Variants in A2ML1 observed in about 807,000 individuals in gnomAD.
The protein encoded by A2ML1 is alpha-2-macroglobulin like 1, also known as alpha-2-macroglobulin-like protein 1.
In A2ML1, 161 loss-of-function variants were observed where a neutral mutation model predicts 181.9. The observed-to-expected ratio is 0.89, with a 90% CI of 0.78 to 1.01. The LOEUF is 1.01. Among genes scored for constraint, A2ML1 ranks in the 50% least tolerant of loss-of-function variants. The probability of loss-of-function intolerance (pLI) is 0.00; values close to 1 mark genes in which losing one functional copy is unlikely to be tolerated. For synonymous variants in A2ML1, 663 were observed against 666.8 expected, an observed-to-expected ratio of 0.99 and a Z score of 0.09; for missense variants, 1,670 against 1,768.1, an observed-to-expected ratio of 0.94 and a Z score of 1.00.
At chr12:8,879,786 C>T (rs1305261231), downstream of A2ML1, among the ~76,000 whole-genome samples, 1 of 152,144 alleles carries the variant, frequency 6.6e-6, no homozygotes, top group Non-Finnish European at 1.5e-5. Context: ...TGTACATTGT[C>T]CAACTCATTG....
intron 3 of A2ML1, 113 bp downstream of exon 3, chr12:8,823,995 G>A (rs1942838575): frequency 5.5e-6 from 7 of 1,275,176 alleles, no homozygotes; most frequent in South Asian, 1.8e-5. Context: ...GAGTGCAGAG[G>A]AGAGGAAAAT....
rs773313620 is a variant in A2ML1 at position 8,834,682 on chromosome 12, G to A, written c.483G>A (p.Gln161=). The A allele has an allele frequency of 1.9e-6, 3 of 1,614,188 alleles. No individual in the cohort carries two copies. Among genetic ancestry groups the A allele is most frequent in the Non-Finnish European group, 2.5e-6 (3 of 1,180,030 alleles). The change falls in exon 5 of 36, where the codon CAG becomes CAA. Residue 161 remains glutamine (Q), a splice_region_variant and synonymous_variant. Coordinates refer to ENST00000299698, the MANE Select transcript of A2ML1 (RefSeq NM_144670.6). ...VNDKYSMVEL[Q]DPNSNRIAQW... ...TTCAGTACTCCATGGTGGAACTACA[G>A]GTAAGCGGAAGTTTCTTTCTCTTCT...
At chr12:8,875,885 A>G (rs1944786509) in intron 35 of A2ML1, 173 bp from the exon 36 acceptor site, 2 of 152,210 alleles carry the variant, frequency 1.3e-5, no homozygotes, top group Admixed American at 1.3e-4. Flanking sequence ...TACTAAGACA[A>G]AAGTAAAGGT....
intron 18 of A2ML1, among the ~76,000 whole-genome samples, chr12:8,850,806 T>C (rs994344929): frequency 8.5e-5 from 13 of 152,154 alleles, no homozygotes; most frequent in Admixed American, 8.5e-4. Context: ...GGCATGATTT[T>C]GGCTCACTGT....
intron 1 of A2ML1, 95 bp downstream of exon 1, chr12:8,822,808 G>T: frequency 8.2e-7 from 1 of 1,223,204 alleles, no homozygotes; most frequent in South Asian, 1.3e-5. Context: ...ATCAACTTTG[G>T]TTTATCTTAA....
rs1231550807 is a variant in A2ML1 at position 8,845,849 on chromosome 12, C to CAAA, written c.1538-215_1538-213dup. On this transcript the variant is annotated intron_variant, in intron 13 of 35. Coordinates refer to ENST00000299698, the MANE Select transcript of A2ML1 (RefSeq NM_144670.6). Reference sequence around the variant, plus strand: ...TGGGCGACAGAGCGAGACTCCGTCTCAAAAAAAAAAAAAAATAAATAAAAT... The same window carrying CAAA: ...TGGGCGACAGAGCGAGACTCCGTCTCAAAAAAAAAAAAAAAAAATAAATAAAAT... 5.4e-5 allele frequency among the ~76,000 whole-genome samples: 3 copies of CAAA among 55,530 alleles called. 1 individual carries two copies. The highest frequency in any genetic ancestry group is 1.9e-4 in the Admixed American group (1 of 5,138). The allele number at this position is 55,530 out of a possible 152,430, so 36.4% of individuals were successfully genotyped here. A position where few individuals can be genotyped will look rare whatever the true frequency, so the allele number is the denominator to read the frequency against.
intron 28 of A2ML1, among the ~76,000 whole-genome samples, chr12:8,861,951 G>A (rs1473106941): frequency 6.6e-6 from 1 of 151,718 alleles, no homozygotes; most frequent in Non-Finnish European, 1.5e-5. Context: ...GTAGAGAAGG[G>A]GTTTCGCCCT....
downstream of A2ML1, among the ~76,000 whole-genome samples, chr12:8,881,580 T>C (rs1289742604): frequency 6.6e-6 from 1 of 152,212 alleles, no homozygotes; most frequent in Non-Finnish European, 1.5e-5. Context: ...TTAATTGCCT[T>C]CCAGCACAAA....
chr12:8,852,265 C>A lies in A2ML1; in HGVS notation c.2519C>A (p.Ser840Tyr), dbSNP rs960169988. 5 of 1,614,200 alleles carry A rather than the reference C, an allele frequency of 3.1e-6. No individual in the cohort carries two copies. In the Admixed American group the frequency reaches 6.7e-5, roughly 22 times the overall value. The change falls in exon 20 of 36, where the codon TCT becomes TAT. Residue 840 changes from serine to tyrosine, a missense_variant. By Grantham distance (144) the Ser-to-Tyr change is moderately radical. Transcript: ENST00000299698. This position sits in a 1 kb window ranked among gnomAD's most constrained non-coding sequence, Gnocchi z 4.2. ...HEYQLESWAD[S>Y]QTSSCLCADD... The stretch of plus-strand genomic sequence containing the variant: ...TACCAGCTAGAATCATGGGCAGATT[C>A]TCAGACCTCCAGTTGTCTCTGTGCT...
At chr12:8,879,825 AG>A (rs1312746929), downstream of A2ML1, among the ~76,000 whole-genome samples, 1 of 152,208 alleles carries the variant, frequency 6.6e-6, no homozygotes, top group Non-Finnish European at 1.5e-5. Flanking sequence ...ATATTTGAGA[AG>A]GTGATTGTGA....
chr12:8,874,859 A>T, intron 34 of A2ML1, 112 bp from the exon 35 acceptor site: 2 of 1,001,060 alleles, frequency 2.0e-6, no homozygotes, highest in Non-Finnish European at 3.1e-6. Context: ...GAATATGCTC[A>T]TAACCTGTAG....
chr12:8,859,791 C>T (rs771142924), intron 26 of A2ML1, among the ~76,000 whole-genome samples: 4 of 152,124 alleles, frequency 2.6e-5, no homozygotes, highest in Non-Finnish European at 5.9e-5. Flanking sequence ...GTCTTGAACT[C>T]CTGGCCTCAA....
At chr12:8,879,167 C>T (rs1944844906), downstream of A2ML1, among the ~76,000 whole-genome samples, 1 of 151,820 alleles carries the variant, frequency 6.6e-6, no homozygotes, top group South Asian at 2.1e-4. Flanking sequence ...TCTTGGGTAT[C>T]AAAGGAAGAG....
At chr12:8,874,084 C>T (rs938476126) in intron 33 of A2ML1, among the ~76,000 whole-genome samples, 2 of 152,026 alleles carry the variant, frequency 1.3e-5, no homozygotes, top group African/African-American at 2.4e-5. Context: ...GGCGCCATCT[C>T]GGCTCACTGC....
rs746882060 is a variant in A2ML1 at position 8,848,772 on chromosome 12, A to AGTAT, written c.1888_1891dup (p.Asp631ValfsTer2). 30 of 1,613,890 alleles carry AGTAT rather than the reference A, an allele frequency of 1.9e-5. No individual in the cohort carries two copies. Among genetic ancestry groups the AGTAT allele is most frequent in the South Asian group, 1.6e-4 (15 of 91,038 alleles). On this transcript the variant is annotated frameshift_variant, in exon 16 of 36. Coordinates refer to ENST00000299698, the MANE Select transcript of A2ML1 (RefSeq NM_144670.6). LOFTEE classifies it high-confidence loss of function. ...GGTCACTACCCCTATCAAGTGGCTG[A>AGTAT]GTATGATCAGTGTCCAGTGTCTGGC...
Position 8,855,836 on chromosome 12 carries a change from C to T in A2ML1, c.2848+244C>T, listed in dbSNP as rs1195416653. 3.9e-5 allele frequency among the ~76,000 whole-genome samples: 6 copies of T among 151,976 alleles called. No homozygotes were observed. The East Asian group carries it at 7.7e-4, about 20-fold the overall frequency. On this transcript the variant is annotated intron_variant, in intron 23 of 35. Transcript: ENST00000299698. Reference sequence around the variant, plus strand: ...TAGGAAGAAGGTAAGGTCGCTGATGCTTGATTTTAGGTTTAGACAGTCTAT... The same window carrying T: ...TAGGAAGAAGGTAAGGTCGCTGATGTTTGATTTTAGGTTTAGACAGTCTAT...
intron 33 of A2ML1, among the ~76,000 whole-genome samples, chr12:8,873,242 A>ATTTTTTT (rs775312034): frequency 1.4e-5 from 2 of 142,252 alleles, no homozygotes; most frequent in Non-Finnish European, 3.1e-5. Flanking sequence ...TTATAATACG[A>ATTTTTTT]TTTTTTTTTT....
In A2ML1 at chr12:8,843,370, G is replaced by A. The variant is rs7136813; in HGVS notation, c.1476+9G>A. The stretch of plus-strand genomic sequence containing the variant: ...TCAGCTTCTCCTACTATGTGAGACC[G>A]GGAAACGGGGACGGGTGAGAGTATG... On this transcript the variant is annotated intron_variant, in intron 12 of 35. Coordinates refer to ENST00000299698, the MANE Select transcript of A2ML1 (RefSeq NM_144670.6). 539,158 of 1,609,054 alleles carry A rather than the reference G, an allele frequency of 0.34. 94,595 individuals carry two copies. The highest frequency in any genetic ancestry group is 0.39 in the Middle Eastern group (2,332 of 6,044).
downstream of A2ML1, among the ~76,000 whole-genome samples, chr12:8,880,903 G>A (rs1944864602): frequency 1.3e-5 from 2 of 152,190 alleles, no homozygotes; most frequent in South Asian, 4.1e-4. Context: ...GGCTTTTTAT[G>A]GAATATGTGT....
Sources: gnomAD v4.1 joint callset for allele counts (sites outside exome capture counted in the v4.1 genomes callset) on GRCh38, gnomAD v4.1.1 for gene constraint, Gnocchi (gnomAD v3.1) non-coding constraint, MANE v1.5 for transcripts, NCBI Gene and HGNC (gene_info 2026-07-23, HGNC 2026-07-21) for gene names.